Variants in HK2 observed in about 807,000 individuals in gnomAD.
The protein encoded by HK2 is hexokinase 2.
A neutral mutation model predicts 92.9 loss-of-function variants in HK2; 42 were observed. That is an observed-to-expected ratio of 0.45 (90% CI 0.35 to 0.58). The LOEUF (loss-of-function observed/expected upper bound fraction) is 0.58, where lower values mean the gene tolerates loss of function less well. HK2 is among the 20% of genes least tolerant of loss of function. HK2 has a pLI of 0.00. For synonymous variants in HK2, 422 were observed against 468.0 expected (o/e 0.90, Z 1.27); for missense variants, 978 against 1,245.1 (o/e 0.79, Z 3.23).
intron 5 of HK2, among the ~76,000 whole-genome samples, 199 bp downstream of exon 5, chr2:74,873,570 C>T (rs762159057): frequency 3.9e-5 from 6 of 152,168 alleles, no homozygotes; most frequent in Non-Finnish European, 7.3e-5. Context: ...GATAAATAAT[C>T]TTAGCCTTGG....
chr2:74,867,913 A>G (rs1325737015), intron 3 of HK2, 129 bp downstream of exon 3: 6 of 1,046,038 alleles, frequency 5.7e-6, no homozygotes, highest in Non-Finnish European at 8.9e-6. Context: ...ATGCCAGCAC[A>G]GCTGTAAGGG....
At chr2:74,848,478 T>G (rs1157486039) in intron 1 of HK2, among the ~76,000 whole-genome samples, 1 of 142,372 alleles carries the variant, frequency 7.0e-6, no homozygotes, top group Non-Finnish European at 1.5e-5. Context: ...AATTAATTTC[T>G]TGTAAAATTA....
In HK2 at chr2:74,873,294, A is replaced by G; in HGVS notation, c.514A>G (p.Thr172Ala). The change falls in exon 5 of 18, where the codon ACC (threonine) becomes GCC (alanine). Residue 172 changes from threonine to alanine, a missense_variant. Physicochemically the swap from Thr to Ala is moderately conservative, Grantham distance 58. This residue lies in a region of HK2 where 189 missense variants were observed against 289.5 expected (regional missense o/e 0.65). Transcript: ENST00000290573. ...KLDESFLVSWTKGFKSSGVEG... is the reference protein window; with the variant it reads ...KLDESFLVSWAKGFKSSGVEG... ...TTTCCAGAGTTTCCTGGTCTCATGG[A>G]CCAAGGGATTCAAGTCCAGTGGAGT... is the stretch of plus-strand genomic sequence containing the variant. 3 of 1,613,616 alleles carry G rather than the reference A, an allele frequency of 1.9e-6. No individual in the cohort carries two copies. The highest frequency in any genetic ancestry group is 1.7e-6 in the Non-Finnish European group (2 of 1,179,558).
chr2:74,843,440 C>T (rs3771790), intron 1 of HK2, among the ~76,000 whole-genome samples: 27,247 of 152,084 alleles, frequency 0.18, 3,438 homozygotes, highest in African/African-American at 0.35. Flanking sequence ...AATCTCATTT[C>T]CCCTAAAATG....
intron 15 of HK2, among the ~76,000 whole-genome samples, chr2:74,886,986 A>T (rs1050138102): frequency 2.6e-5 from 4 of 152,204 alleles, no homozygotes; most frequent in African/African-American, 9.6e-5. Context: ...CTCTTGGGTG[A>T]TGCAGACAGG....
intron 7 of HK2, among the ~76,000 whole-genome samples, chr2:74,876,067 C>T (rs948576876): frequency 5.9e-5 from 9 of 152,194 alleles, no homozygotes; most frequent in Non-Finnish European, 1.3e-4. Flanking sequence ...ACTGTTGAAG[C>T]CAGGCTCCCA....
At chr2:74,857,160 C>T (rs749197333) in intron 2 of HK2, among the ~76,000 whole-genome samples, 13 of 152,176 alleles carry the variant, frequency 8.5e-5, no homozygotes, top group African/African-American at 2.9e-4. Flanking sequence ...TCCCTCCCTC[C>T]GCATTTGCAG....
chr2:74,837,378 A>G (rs578098441), intron 1 of HK2, among the ~76,000 whole-genome samples: 2 of 152,312 alleles, frequency 1.3e-5, no homozygotes, highest in Middle Eastern at 6.8e-3. Context: ...CCACAGATGG[A>G]ACTAGCTCTT....
chr2:74,873,143 G>C (rs1002847867), intron 4 of HK2, 133 bp from the exon 5 acceptor site: 20 of 771,128 alleles, frequency 2.6e-5, no homozygotes, highest in Non-Finnish European at 4.3e-5. Context: ...GGCTAGCCAG[G>C]AAGTAACACA....
intron 10 of HK2, 129 bp downstream of exon 10, chr2:74,880,698 G>A: frequency 1.1e-6 from 1 of 926,352 alleles, no homozygotes; most frequent in Admixed American, 2.0e-5. Context: ...CGTATTACTA[G>A]GGAGTTCTAG....
In HK2 at chr2:74,891,674, A is replaced by C. The variant is rs1689682715; in HGVS notation, c.*733A>C. The C allele has an allele frequency of 6.6e-6, 1 of 152,232 alleles. No homozygotes were observed. The allele number at this position is 152,232 out of a possible 1,614,324, so 9.4% of individuals were successfully genotyped here. A position where few individuals can be genotyped will look rare whatever the true frequency, so the allele number is the denominator to read the frequency against. On this transcript the variant is annotated 3_prime_UTR_variant, in exon 18 of 18. Transcript: ENST00000290573. ...GACCTTTGGGGAAGGGGGAGTTTTT[A>C]GTTTGTTTTACAAATTTTTCCTGCA...
chr2:74,836,143 C>T (rs936584747), intron 1 of HK2, among the ~76,000 whole-genome samples: 1 of 152,196 alleles, frequency 6.6e-6, no homozygotes, highest in South Asian at 2.1e-4. Context: ...TTCTCAACTT[C>T]TAAGAACTCT....
rs986707540 is a variant in HK2 at position 74,834,171 on chromosome 2, T to G, written c.-410T>G. On this transcript the variant is annotated 5_prime_UTR_variant, in exon 1 of 18. Coordinates refer to ENST00000290573, the MANE Select transcript of HK2 (RefSeq NM_000189.5). This position sits in a 1 kb window ranked among gnomAD's most constrained non-coding sequence, Gnocchi z 4.2. ...CGGCGCAGGAGTCCCGGGCTGCCGC[T>G]GGCAACATCGTGTCACCCAGCTAAG... The G allele has an allele frequency of 2.8e-6, 1 of 351,026 alleles. No homozygotes were observed. Among genetic ancestry groups the G allele is most frequent in the Admixed American group, 3.8e-5 (1 of 26,042 alleles). The allele number at this position is 351,026 out of a possible 1,614,324, so 21.7% of individuals were successfully genotyped here. A position where few individuals can be genotyped will look rare whatever the true frequency, so the allele number is the denominator to read the frequency against.
chr2:74,836,659 C>G (rs555777731), intron 1 of HK2, among the ~76,000 whole-genome samples: 1 of 152,254 alleles, frequency 6.6e-6, no homozygotes, highest in East Asian at 1.9e-4. Context: ...TGAATCAGGC[C>G]TTTAACTCAG....
At chr2:74,867,271 G>C (rs1336804282) in intron 2 of HK2, among the ~76,000 whole-genome samples, 1 of 152,100 alleles carries the variant, frequency 6.6e-6, no homozygotes, top group Non-Finnish European at 1.5e-5. Flanking sequence ...AGTAACTCTG[G>C]AATGGAAAAC....
chr2:74,867,338 A>C (rs1161229156), intron 2 of HK2, among the ~76,000 whole-genome samples: 1 of 152,194 alleles, frequency 6.6e-6, no homozygotes, highest in South Asian at 2.1e-4. Context: ...ATGCAAAAGC[A>C]TAAGAATAAT....
chr2:74,838,281 G>A (rs1308926924), intron 1 of HK2, among the ~76,000 whole-genome samples: 1 of 152,124 alleles, frequency 6.6e-6, no homozygotes, highest in East Asian at 1.9e-4. Flanking sequence ...GACCTTTCTG[G>A]AGAAAGAAGC....
intron 10 of HK2, 38 bp downstream of exon 10, chr2:74,880,607 C>T (rs766278010): frequency 1.3e-6 from 2 of 1,597,908 alleles, no homozygotes; most frequent in Non-Finnish European, 1.7e-6. Flanking sequence ...ACATGGTGGG[C>T]CTTTGTCCTG....
At chr2:74,886,233 T>A in intron 13 of HK2, 61 bp from the exon 14 acceptor site, 1 of 1,168,756 alleles carries the variant, frequency 8.6e-7, no homozygotes, top group South Asian at 1.2e-5. Context: ...CCCATGCAAT[T>A]GTCTGAAAGG....
Sources: allele counts gnomAD v4.1 joint callset (sites outside exome capture counted in the v4.1 genomes callset), GRCh38; gene constraint gnomAD v4.1.1; regional missense constraint gnomAD v4.1.1; non-coding constraint Gnocchi (gnomAD v3.1); transcripts MANE v1.5; gene names NCBI Gene and HGNC (gene_info 2026-07-23, HGNC 2026-07-21).